Variants in GALNT10 observed in about 807,000 individuals in gnomAD.
The protein encoded by GALNT10 is polypeptide N-acetylgalactosaminyltransferase 10, also known as GalNAc transferase 10.
In GALNT10, 41 loss-of-function variants were observed where a neutral mutation model predicts 75.0. The ratio of observed to expected loss-of-function variants is 0.55; its 90% confidence interval spans 0.43 to 0.71. The LOEUF (loss-of-function observed/expected upper bound fraction) is 0.71, where lower values mean the gene tolerates loss of function less well. GALNT10 is among the 30% of genes least tolerant of loss of function. The pLI, the probability that GALNT10 is intolerant of heterozygous loss-of-function variation, is 0.00. For missense variants in GALNT10, 727 were observed against 818.5 expected, an observed-to-expected ratio of 0.89 and a Z score of 1.36; for synonymous variants, 302 against 313.0, an observed-to-expected ratio of 0.96 and a Z score of 0.37.
At chr5:154,383,094 G>A (rs923842817) in intron 6 of GALNT10, among the ~76,000 whole-genome samples, 4 of 152,182 alleles carry the variant, frequency 2.6e-5, no homozygotes, top group Admixed American at 1.3e-4. Context: ...GTGTGGCCAT[G>A]GTTGGCAGTC....
intron 1 of GALNT10, among the ~76,000 whole-genome samples, chr5:154,293,625 C>CTTTTTTTTTTTTTTT (rs1320287927): frequency 2.4e-4 from 31 of 128,114 alleles, no homozygotes; most frequent in Non-Finnish European, 3.2e-4. Context: ...TTTTTTTTTC[C>CTTTTTTTTTTTTTTT]TTTCAGCCAT....
intron 1 of GALNT10, among the ~76,000 whole-genome samples, chr5:154,201,708 A>C (rs1188352925): frequency 6.6e-6 from 1 of 152,112 alleles, no homozygotes; most frequent in African/African-American, 2.4e-5. Context: ...ACATGGGCAG[A>C]TGACGAGATC....
intron 1 of GALNT10, among the ~76,000 whole-genome samples, chr5:154,241,250 A>C (rs1045936245): frequency 6.6e-6 from 1 of 152,146 alleles, no homozygotes; most frequent in Admixed American, 6.5e-5. Flanking sequence ...GCAGTTCCTT[A>C]GAATTCTGGG....
intron 3 of GALNT10, among the ~76,000 whole-genome samples, chr5:154,315,259 T>C (rs184414622): frequency 1.3e-5 from 2 of 152,266 alleles, no homozygotes; most frequent in Admixed American, 1.3e-4. Flanking sequence ...GCTAATGGAG[T>C]ATCCCATGCA....
At chr5:154,309,328 C>T (rs752619185) in intron 3 of GALNT10, among the ~76,000 whole-genome samples, 2 of 151,922 alleles carry the variant, frequency 1.3e-5, no homozygotes, top group African/African-American at 4.8e-5. Context: ...GGGTGGTGGT[C>T]GGGTTGTAGT....
chr5:154,404,068 G>A lies in GALNT10; in HGVS notation c.1057-36G>A. ...CTGGCGGGATGGTGAACTGGAAGCA[G>A]AAACGTCATCCTCTCTCTTCCTTCT... On this transcript the variant is annotated intron_variant, in intron 7 of 11. Coordinates refer to ENST00000297107, the MANE Select transcript of GALNT10 (RefSeq NM_198321.4). 2.0e-6 allele frequency: 3 copies of A among 1,524,974 alleles called. No homozygotes were observed. In the South Asian group the frequency reaches 3.4e-5, roughly 17 times the overall value. 94.5% of individuals were successfully genotyped at this position (1,524,974 alleles called of 1,614,324 possible). A position where few individuals can be genotyped will look rare whatever the true frequency, so the allele number is the denominator to read the frequency against.
chr5:154,271,824 A>G lies in GALNT10; in HGVS notation c.160-22992A>G, dbSNP rs553979506. On this transcript the variant is annotated intron_variant, in intron 1 of 11. Coordinates refer to ENST00000297107, the MANE Select transcript of GALNT10 (RefSeq NM_198321.4). The stretch of plus-strand genomic sequence containing the variant: ...CATCCAATAGAGTGTTTCTTAGAAA[A>G]TAAGCCTTCTGCAGTATGCAGAGGA... Among the ~76,000 whole-genome samples the G allele has an allele frequency of 3.3e-5, 5 of 152,328 alleles. No homozygotes were observed. In the East Asian group the frequency reaches 9.7e-4, roughly 29 times the overall value.
chr5:154,226,999 C>G (rs60233410), intron 1 of GALNT10, among the ~76,000 whole-genome samples: 2,083 of 149,476 alleles, frequency 0.014, 41 homozygotes, highest in African/African-American at 0.047. Context: ...TTTTGAGATT[C>G]ATTCATGTAG....
rs117275567 is a variant in GALNT10, at chr5:154,340,305, G to A, written c.568+10567G>A. On this transcript the variant is annotated intron_variant, in intron 4 of 11. Coordinates refer to ENST00000297107, the MANE Select transcript of GALNT10 (RefSeq NM_198321.4). ...CTATATAGCACTTTCTATGTGCCAGGCACTGTTGTAAGCGACTTAAATACA... is the reference window on the plus strand; with the variant it reads ...CTATATAGCACTTTCTATGTGCCAGACACTGTTGTAAGCGACTTAAATACA... 8.3e-4 allele frequency among the ~76,000 whole-genome samples: 127 copies of A among 152,252 alleles called. No homozygotes were observed. The East Asian group carries it at 0.02, about 24-fold the overall frequency.
chr5:154,413,536 T>A (rs933671516), intron 10 of GALNT10, among the ~76,000 whole-genome samples: 2 of 152,198 alleles, frequency 1.3e-5, no homozygotes, highest in Admixed American at 6.5e-5. Flanking sequence ...GATGGGTGTG[T>A]TCATTACCTT....
intron 2 of GALNT10, among the ~76,000 whole-genome samples, chr5:154,295,747 T>C (rs1012746328): frequency 5.3e-5 from 8 of 152,206 alleles, no homozygotes; most frequent in African/African-American, 1.4e-4. Context: ...AGCCTCAGTT[T>C]TTCCATCTGT....
chr5:154,261,724 A>G (rs1753701418), intron 1 of GALNT10, among the ~76,000 whole-genome samples: 1 of 152,216 alleles, frequency 6.6e-6, no homozygotes, highest in African/African-American at 2.4e-5. Flanking sequence ...TATTTCCCTT[A>G]GGAAAGTGGT....
Position 154,197,938 on chromosome 5 carries a change from C to T in GALNT10, c.159+6913C>T, listed in dbSNP as rs547831011. ...TGAGTCCTTAACCACCATACTTCCT[C>T]CATATCTGAGCAGGACAAAGGACCT... is the stretch of plus-strand genomic sequence containing the variant. On this transcript the variant is annotated intron_variant, in intron 1 of 11. Transcript: ENST00000297107. Among the ~76,000 whole-genome samples, 20 of 152,274 alleles carry T rather than the reference C, an allele frequency of 1.3e-4. No individual in the cohort carries two copies. In the South Asian group the frequency reaches 3.7e-3, roughly 28 times the overall value.
intron 1 of GALNT10, among the ~76,000 whole-genome samples, chr5:154,219,853 C>CACACACACACCACAGAGA (rs1689566362): frequency 6.6e-6 from 1 of 151,790 alleles, no homozygotes; most frequent in Non-Finnish European, 1.5e-5. Context: ...CACACACACA[C>CACACACACACCACAGAGA]ACACACACAC....
At chr5:154,236,837 A>G (rs1453089073) in intron 1 of GALNT10, among the ~76,000 whole-genome samples, 1 of 152,182 alleles carries the variant, frequency 6.6e-6, no homozygotes, top group African/African-American at 2.4e-5. Context: ...ATGGGGCTGC[A>G]CAGGGGAAGT....
At chr5:154,232,211 T>A (rs1753161924) in intron 1 of GALNT10, among the ~76,000 whole-genome samples, 1 of 152,240 alleles carries the variant, frequency 6.6e-6, no homozygotes, top group African/African-American at 2.4e-5. Context: ...ACTTAACCTC[T>A]CTAGGTCTTT....
At chr5:154,259,198 TC>T (rs936483280) in intron 1 of GALNT10, among the ~76,000 whole-genome samples, 4 of 152,182 alleles carry the variant, frequency 2.6e-5, no homozygotes, top group African/African-American at 9.7e-5. Flanking sequence ...CTGTGACATC[TC>T]CTCAGTCTTT....
At chr5:154,193,895 G>A (rs1358374109) in intron 1 of GALNT10, among the ~76,000 whole-genome samples, 1 of 152,244 alleles carries the variant, frequency 6.6e-6, no homozygotes. Flanking sequence ...GACACATAAT[G>A]CTTCTAGGAT....
At chr5:154,196,405 T>G (rs997387167) in intron 1 of GALNT10, among the ~76,000 whole-genome samples, 2 of 152,176 alleles carry the variant, frequency 1.3e-5, no homozygotes, top group Non-Finnish European at 2.9e-5. Flanking sequence ...CAAAACAAAT[T>G]GAGCCATGTG....
Sources: allele counts gnomAD v4.1 joint callset (sites outside exome capture counted in the v4.1 genomes callset), GRCh38; gene constraint gnomAD v4.1.1; transcripts MANE v1.5; gene names NCBI Gene and HGNC (gene_info 2026-07-23, HGNC 2026-07-21).